The following TGFBR3 variants were observed in gnomAD, a reference collection of about 807,000 sequenced individuals.
The protein encoded by TGFBR3 is transforming growth factor beta receptor type 3.
Under a neutral mutation model 87.9 loss-of-function variants are expected in TGFBR3, and 46 were observed. The ratio of observed to expected loss-of-function variants is 0.52; its 90% confidence interval spans 0.41 to 0.67. The LOEUF (loss-of-function observed/expected upper bound fraction) is 0.67, where lower values mean the gene tolerates loss of function less well. Ranked by LOEUF, TGFBR3 falls within the 30% of genes least tolerant of loss-of-function variation. The pLI, the probability that TGFBR3 is intolerant of heterozygous loss-of-function variation, is 0.00. For synonymous variants in TGFBR3, 381 were observed against 391.6 expected (o/e 0.97, Z 0.32); for missense variants, 866 against 1,041.9 (o/e 0.83, Z 2.32).
Position 91,797,339 on chromosome 1 carries a change from T to C in TGFBR3, c.194A>G (p.His65Arg), listed in dbSNP as rs754669633. 1.2e-6 allele frequency: 2 copies of C among 1,614,232 alleles called. No individual in the cohort carries two copies. The highest frequency in any genetic ancestry group is 2.7e-5 in the African/African-American group (2 of 75,068). ...RGTTGLPQEVHVLNLRTAGQG... is the reference protein window; with the variant it reads ...RGTTGLPQEVRVLNLRTAGQG... ...GCCTGCAGTGCGGAGATTCAGGACA[T>C]GCACCTCCTGTGGCAGCCCAGTTGT... Residue 65 changes from histidine to arginine, a missense_variant, in exon 3 of 17, where the codon CAT (histidine) becomes CGT (arginine). Coordinates refer to ENST00000212355, the MANE Select transcript of TGFBR3 (RefSeq NM_003243.5).
At chr1:91,896,289 G>A (rs1050520514) in intron 2 of TGFBR3, among the ~76,000 whole-genome samples, 3 of 152,200 alleles carry the variant, frequency 2.0e-5, no homozygotes, top group African/African-American at 7.2e-5. Flanking sequence ...CAAATTAAGG[G>A]ATGGTTTCAT....
chr1:91,868,789 G>A (rs903892652), intron 1 of TGFBR3, among the ~76,000 whole-genome samples: 1 of 152,220 alleles, frequency 6.6e-6, no homozygotes, highest in Non-Finnish European at 1.5e-5. Flanking sequence ...GCTTTTGATA[G>A]CCTGGACAAC....
chr1:91,822,973 G>A (rs1162682320), intron 2 of TGFBR3, among the ~76,000 whole-genome samples: 3 of 152,026 alleles, frequency 2.0e-5, no homozygotes, highest in African/African-American at 4.8e-5. Flanking sequence ...CTATTTAGTC[G>A]CCCATTCACA....
chr1:91,696,837 T>C, intron 15 of TGFBR3, among the ~76,000 whole-genome samples: 1 of 152,170 alleles, frequency 6.6e-6, no homozygotes, highest in East Asian at 1.9e-4. Context: ...GAAAGCTATT[T>C]TTTTTTTACA....
intron 3 of TGFBR3, among the ~76,000 whole-genome samples, chr1:91,796,276 A>G (rs901914126): frequency 6.6e-6 from 1 of 152,184 alleles, no homozygotes; most frequent in Non-Finnish European, 1.5e-5. Flanking sequence ...AGGAAAGAGG[A>G]CGCCATTTCT....
chr1:91,747,678 A>G (rs284168), intron 4 of TGFBR3, among the ~76,000 whole-genome samples: 73,857 of 152,058 alleles, frequency 0.49, 18,254 homozygotes, highest in African/African-American at 0.57. Context: ...TCTACACGTT[A>G]CTGTGAGGTA....
chr1:91,727,868 C>T, intron 6 of TGFBR3, 62 bp from the exon 7 acceptor site: 2 of 1,591,272 alleles, frequency 1.3e-6, no homozygotes, highest in South Asian at 1.1e-5. Flanking sequence ...AACTATCTCC[C>T]CTCTTCCAAG....
intron 1 of TGFBR3, among the ~76,000 whole-genome samples, chr1:91,901,235 C>A (rs1221678334): frequency 1.3e-5 from 2 of 152,112 alleles, no homozygotes; most frequent in East Asian, 3.8e-4. Context: ...TTTATTGGGT[C>A]TTATCCTCTG....
At chr1:91,895,774 A>C (rs950011500) in intron 2 of TGFBR3, among the ~76,000 whole-genome samples, 1 of 152,176 alleles carries the variant, frequency 6.6e-6, no homozygotes, top group African/African-American at 2.4e-5. Context: ...CAAATGTAAC[A>C]ATGAAAAAAA....
At chr1:91,887,987 A>G (rs1487031845), upstream of TGFBR3, among the ~76,000 whole-genome samples, 1 of 152,152 alleles carries the variant, frequency 6.6e-6, no homozygotes, top group Non-Finnish European at 1.5e-5. Context: ...CTGTGTCCCC[A>G]CCCAAATCTC....
intron 1 of TGFBR3, among the ~76,000 whole-genome samples, chr1:91,874,120 A>C (rs1678692935): frequency 1.3e-5 from 2 of 152,194 alleles, no homozygotes; most frequent in Non-Finnish European, 2.9e-5. Flanking sequence ...CAGACTATAA[A>C]CAAGATACAT....
chr1:91,804,322 A>G (rs1395785524), intron 2 of TGFBR3, among the ~76,000 whole-genome samples: 2 of 151,810 alleles, frequency 1.3e-5, no homozygotes, highest in East Asian at 3.9e-4. Flanking sequence ...CTTCCCGGAC[A>G]CTCTTCTGGC....
chr1:91,683,598 T>C lies in TGFBR3; in HGVS notation c.*141A>G. ...TGAATACAACGGGTGATCTTTATAC[T>C]GAAATTCACTCTGTCTTTACAAGGG... On this transcript the variant is annotated 3_prime_UTR_variant, in exon 17 of 17. Transcript: ENST00000212355. 1.4e-6 allele frequency: 1 copy of C among 732,426 alleles called. No individual in the cohort carries two copies. The highest frequency in any genetic ancestry group is 2.4e-6 in the Non-Finnish European group (1 of 418,128). The allele number at this position is 732,426 out of a possible 1,614,324, so 45.4% of individuals were successfully genotyped here. A position where few individuals can be genotyped will look rare whatever the true frequency, so the allele number is the denominator to read the frequency against.
intron 2 of TGFBR3, among the ~76,000 whole-genome samples, chr1:91,808,787 A>G (rs933629886): frequency 3.9e-5 from 6 of 152,148 alleles, no homozygotes; most frequent in Non-Finnish European, 8.8e-5. Flanking sequence ...GACCAATAAT[A>G]TGGTGCACCT....
chr1:91,871,040 AC>A (rs1176067997), intron 1 of TGFBR3, among the ~76,000 whole-genome samples: 2 of 149,894 alleles, frequency 1.3e-5, no homozygotes, highest in African/African-American at 5.0e-5. Context: ...CTGCTCTGTC[AC>A]CAAAAAAAAA....
intron 7 of TGFBR3, among the ~76,000 whole-genome samples, chr1:91,723,516 T>G (rs893728218): frequency 5.5e-5 from 8 of 144,736 alleles, no homozygotes; most frequent in Non-Finnish European, 6.0e-5. Context: ...AAAGACTAGC[T>G]TTCACTGGAT....
intron 2 of TGFBR3, among the ~76,000 whole-genome samples, chr1:91,847,000 C>T (rs1677526951): frequency 6.6e-6 from 1 of 152,166 alleles, no homozygotes; most frequent in Non-Finnish European, 1.5e-5. Flanking sequence ...AGCAGAATGA[C>T]CACCACCTGA....
intron 5 of TGFBR3, among the ~76,000 whole-genome samples, chr1:91,732,039 CG>C (rs1672794085): frequency 6.6e-6 from 1 of 152,114 alleles, no homozygotes; most frequent in Non-Finnish European, 1.5e-5. Context: ...GGGGAATTCC[CG>C]GGTAGAAACC....
chr1:91,710,101 T>A (rs1671928799), intron 13 of TGFBR3, among the ~76,000 whole-genome samples: 1 of 152,162 alleles, frequency 6.6e-6, no homozygotes. Flanking sequence ...AGAAGACATA[T>A]TAATACAGCC....
Sources: gnomAD v4.1 joint callset for allele counts (sites outside exome capture counted in the v4.1 genomes callset) on GRCh38, gnomAD v4.1.1 for gene constraint, MANE v1.5 for transcripts, NCBI Gene and HGNC (gene_info 2026-07-23, HGNC 2026-07-21) for gene names.